Variants in MMP26 observed in about 807,000 individuals in gnomAD.
MMP26 encodes matrix metallopeptidase 26.
In MMP26, 33 loss-of-function variants were observed where a neutral mutation model predicts 31.0. That is an observed-to-expected ratio of 1.06 (90% CI 0.81 to 1.42). MMP26 has a LOEUF of 1.42. MMP26 is among the 40% of genes most tolerant of loss of function. The pLI is 0.00. For synonymous variants in MMP26, 122 were observed against 114.9 expected (o/e 1.06, Z -0.40); for missense variants, 347 against 316.1 (o/e 1.10, Z -0.74).
At chr11:4,729,911 C>T (rs892173210) in intron 1 of MMP26, among the ~76,000 whole-genome samples, 8 of 151,828 alleles carry the variant, frequency 5.3e-5, no homozygotes. Context: ...GTAATATCTG[C>T]ACTCCTCATA....
At chr11:4,913,387 A>G (rs1851021990) in intron 2 of MMP26, 1 of 152,148 alleles carries the variant, frequency 6.6e-6, no homozygotes, top group Admixed American at 6.5e-5. Context: ...CCCTTTCTTA[A>G]TCTGCACTAA....
intron 2 of MMP26, among the ~76,000 whole-genome samples, chr11:4,905,203 C>T (rs911734387): frequency 3.3e-5 from 5 of 152,108 alleles, no homozygotes; most frequent in Non-Finnish European, 5.9e-5. Context: ...CTTTTAATGA[C>T]ATCTCACAAT....
At chr11:4,769,896 T>A in intron 2 of MMP26, 1 of 1,606,958 alleles carries the variant, frequency 6.2e-7, no homozygotes, top group Middle Eastern at 1.7e-4. Flanking sequence ...AATTTAGATG[T>A]TGAGTTGCTT....
rs1358650952 is a variant in MMP26, at chr11:4,953,098, T to C, written c.-144-34970T>C. On this transcript the variant is annotated intron_variant, in intron 2 of 7. Transcript: ENST00000380390. ...AGTTGGACTATTTTTCAGCCACAAA[T>C]CTAAAGCAATAAATTTCTCTTTGTA... Among the ~76,000 whole-genome samples, 11 of 125,606 alleles carry C rather than the reference T, an allele frequency of 8.8e-5. 3 individuals carry two copies. The highest frequency in any genetic ancestry group is 3.0e-4 in the African/African-American group (11 of 36,898). The allele number at this position is 125,606 out of a possible 152,430, so 82.4% of individuals were successfully genotyped here.
rs570664530 is a variant in MMP26 at position 4,885,794 on chromosome 11, C to G, written c.-144-102274C>G. Among the ~76,000 whole-genome samples the G allele has an allele frequency of 2.1e-4, 32 of 152,170 alleles. No individual in the cohort carries two copies. The South Asian group carries it at 3.9e-3, about 19-fold the overall frequency. ...TTTACCTGCTATTATTCATTATTCT[C>G]TATTAAGTTACATTTTATATTAGGT... On this transcript the variant is annotated intron_variant, in intron 2 of 7. Transcript: ENST00000380390.
chr11:4,837,520 A>C (rs1427410777), intron 2 of MMP26, among the ~76,000 whole-genome samples: 1 of 152,204 alleles, frequency 6.6e-6, no homozygotes, highest in Non-Finnish European at 1.5e-5. Flanking sequence ...TTTAAAATAT[A>C]AACAACCCAA....
At chr11:4,760,453 T>C (rs1468317184) in intron 1 of MMP26, among the ~76,000 whole-genome samples, 1 of 152,216 alleles carries the variant, frequency 6.6e-6, no homozygotes, top group Admixed American at 6.5e-5. Context: ...CCAGCCTTAA[T>C]ATTTGAGGCT....
In MMP26 at chr11:4,975,377, G is replaced by A. The variant is rs145548100; in HGVS notation, c.-144-12691G>A. 4.8e-3 allele frequency among the ~76,000 whole-genome samples: 723 copies of A among 152,080 alleles called. 3 individuals are homozygous for A. Among genetic ancestry groups the A allele is most frequent in the Non-Finnish European group, 6.9e-3 (469 of 67,990 alleles). Reference sequence around the variant, plus strand: ...CAACTACCAACTGAAGGCTTTTTGTGCCTGTTAGGCCTAGTGTCCTCCAAC... The same window carrying A: ...CAACTACCAACTGAAGGCTTTTTGTACCTGTTAGGCCTAGTGTCCTCCAAC... On this transcript the variant is annotated intron_variant, in intron 2 of 7. Coordinates refer to ENST00000380390, the MANE Select transcript of MMP26 (RefSeq NM_021801.5).
At chr11:4,940,690 T>C (rs114694340) in intron 2 of MMP26, among the ~76,000 whole-genome samples, 1,731 of 152,274 alleles carry the variant, frequency 0.011, 33 homozygotes, top group African/African-American at 0.04. Flanking sequence ...AAACGTTGAC[T>C]CAAGGGACAC....
At chr11:4,934,070 G>C (rs1167957924) in intron 2 of MMP26, among the ~76,000 whole-genome samples, 1 of 130,192 alleles carries the variant, frequency 7.7e-6, no homozygotes, top group Non-Finnish European at 1.7e-5. Context: ...ATGATTTATA[G>C]TCCTTTGGCT....
At chr11:4,881,978 G>C in intron 2 of MMP26, 1 of 1,613,860 alleles carries the variant, frequency 6.2e-7, no homozygotes, top group Non-Finnish European at 8.5e-7. Flanking sequence ...ATGTGCTCAT[G>C]TCTGGATCTC....
In MMP26 at chr11:4,861,525, A is replaced by T. The variant is rs76965513; in HGVS notation, c.-145+94184A>T. On this transcript the variant is annotated intron_variant, in intron 2 of 7. Coordinates refer to ENST00000380390, the MANE Select transcript of MMP26 (RefSeq NM_021801.5). ...TATAGAGAGAGGGAATGTATCCTGG[A>T]TATCTGTTGTAAGGATAATTTTAAT... Among the ~76,000 whole-genome samples, 1,443 of 151,924 alleles carry T rather than the reference A, an allele frequency of 9.5e-3. 23 individuals are homozygous for T. The highest frequency in any genetic ancestry group is 0.033 in the African/African-American group (1,375 of 41,452).
At chr11:4,791,015 A>G (rs1849019212) in intron 2 of MMP26, among the ~76,000 whole-genome samples, 1 of 152,208 alleles carries the variant, frequency 6.6e-6, no homozygotes, top group African/African-American at 2.4e-5. Context: ...AAAAAACCTA[A>G]TATTCCAACA....
chr11:4,821,845 C>G (rs745362434), intron 2 of MMP26: 2 of 1,613,378 alleles, frequency 1.2e-6, no homozygotes, highest in South Asian at 1.1e-5. Flanking sequence ...TACCAATGCC[C>G]GAATTGCCAA....
intron 2 of MMP26, chr11:4,946,868 G>A (rs867426581): frequency 6.2e-7 from 1 of 1,603,524 alleles, no homozygotes; most frequent in Non-Finnish European, 8.5e-7. Flanking sequence ...GGGCAGAGAT[G>A]ATAAAGACAA....
chr11:4,844,382 T>C (rs1849838575), intron 2 of MMP26, among the ~76,000 whole-genome samples: 1 of 152,048 alleles, frequency 6.6e-6, no homozygotes, highest in Admixed American at 6.6e-5. Flanking sequence ...TTCCAAAATA[T>C]GGAAGAGGAA....
chr11:4,914,839 G>T, intron 2 of MMP26: 1 of 1,614,078 alleles, frequency 6.2e-7, no homozygotes, highest in Non-Finnish European at 8.5e-7. Flanking sequence ...CCTGGACCAG[G>T]TGGGGTGCCT....
intron 1 of MMP26, chr11:4,712,087 G>T (rs1055812689): frequency 6.6e-6 from 1 of 152,150 alleles, no homozygotes; most frequent in East Asian, 1.9e-4. Flanking sequence ...AGATACAAGT[G>T]CAGTGCTTTA....
intron 2 of MMP26, among the ~76,000 whole-genome samples, chr11:4,799,516 C>T (rs1242114701): frequency 6.6e-6 from 1 of 152,156 alleles, no homozygotes; most frequent in Non-Finnish European, 1.5e-5. Context: ...TTGGGGATCA[C>T]ATTTCAACAT....
Sources: gnomAD v4.1 joint callset for allele counts (sites outside exome capture counted in the v4.1 genomes callset) on GRCh38, gnomAD v4.1.1 for gene constraint, MANE v1.5 for transcripts, NCBI Gene and HGNC (gene_info 2026-07-23, HGNC 2026-07-21) for gene names.